The following PDE4D variants were observed in gnomAD, a reference collection of about 807,000 sequenced individuals.
PDE4D encodes the protein phosphodiesterase 4D, also known as 3',5'-cyclic-AMP phosphodiesterase 4D.
A neutral mutation model predicts 87.4 loss-of-function variants in PDE4D; 24 were observed. The observed-to-expected ratio is 0.27, with a 90% CI of 0.20 to 0.39. The LOEUF is 0.39. Ranked by LOEUF, PDE4D falls within the 10% of genes least tolerant of loss-of-function variation. PDE4D has a pLI of 1.00. For synonymous variants in PDE4D, 384 were observed against 383.2 expected (o/e 1.00, Z -0.02); for missense variants, 714 against 1,041.0 (o/e 0.69, Z 4.32).
chr5:59,679,113 T>G (rs983566889), intron 1 of PDE4D, among the ~76,000 whole-genome samples: 1 of 152,200 alleles, frequency 6.6e-6, no homozygotes, highest in Non-Finnish European at 1.5e-5. Flanking sequence ...AAAGTCAACG[T>G]TTACTTTTAA....
At chr5:60,235,937 C>T (rs1426277309) in intron 1 of PDE4D, among the ~76,000 whole-genome samples, 1 of 151,920 alleles carries the variant, frequency 6.6e-6, no homozygotes, top group Admixed American at 6.6e-5. Flanking sequence ...CATCCCCACA[C>T]AAATACAGCC....
At chr5:59,131,697 C>A (rs1776315682) in intron 5 of PDE4D, among the ~76,000 whole-genome samples, 1 of 148,630 alleles carries the variant, frequency 6.7e-6, no homozygotes, top group East Asian at 2.0e-4. Flanking sequence ...CCTTTTTGTC[C>A]TTGTTTTGCA....
intron 2 of PDE4D, among the ~76,000 whole-genome samples, chr5:60,144,269 T>A (rs1171481795): frequency 1.3e-5 from 2 of 152,230 alleles, no homozygotes; most frequent in East Asian, 1.9e-4. Flanking sequence ...AGATCTCTTC[T>A]CTTTCCTGTC....
intron 1 of PDE4D, among the ~76,000 whole-genome samples, chr5:60,374,739 A>T (rs1720668708): frequency 6.6e-6 from 1 of 152,214 alleles, no homozygotes; most frequent in Admixed American, 6.5e-5. Flanking sequence ...GGGAAAAAAG[A>T]TGATAAATTA....
At chr5:59,123,031 GT>G (rs200344327) in intron 5 of PDE4D, among the ~76,000 whole-genome samples, 115 of 142,992 alleles carry the variant, frequency 8.0e-4, no homozygotes, top group Middle Eastern at 3.6e-3. Context: ...TGTTTTTTTT[GT>G]TTTTTTTTTT....
intron 1 of PDE4D, among the ~76,000 whole-genome samples, chr5:59,707,593 G>T (rs1753621918): frequency 6.6e-6 from 1 of 152,066 alleles, no homozygotes; most frequent in Admixed American, 6.6e-5. Context: ...AGTGGTTGCT[G>T]AACCTATCAA....
chr5:59,921,679 T>C (rs1251526358), intron 3 of PDE4D, among the ~76,000 whole-genome samples: 1 of 152,202 alleles, frequency 6.6e-6, no homozygotes, highest in African/African-American at 2.4e-5. Flanking sequence ...AGAATTCTAA[T>C]TTTGCATTTT....
In PDE4D at chr5:59,496,621, T is replaced by C. The variant is rs114092242; in HGVS notation, c.456-280653A>G. On this transcript the variant is annotated intron_variant, in intron 1 of 14. Transcript: ENST00000340635. ...TCTAGCCCTCGGTTCAGTCGGCCCCTAAGGGAGGGGGATGTAGCCGGCTAA... is the reference window on the plus strand; with the variant it reads ...TCTAGCCCTCGGTTCAGTCGGCCCCCAAGGGAGGGGGATGTAGCCGGCTAA... Among the ~76,000 whole-genome samples the C allele has an allele frequency of 5.1e-3, 783 of 152,176 alleles. 10 individuals carry two copies. The highest frequency in any genetic ancestry group is 0.017 in the African/African-American group (708 of 41,528).
chr5:59,375,847 G>A (rs1463761023), intron 1 of PDE4D, among the ~76,000 whole-genome samples: 4 of 152,248 alleles, frequency 2.6e-5, no homozygotes, highest in Non-Finnish European at 5.9e-5. Context: ...CCACAATCAA[G>A]TAGGCTTCAT....
At position 60,454,915 on chromosome 5, in the gene PDE4D, G is replaced by C. The variant is rs1447219644; in HGVS notation, c.-90+33027C>G. Among the ~76,000 whole-genome samples the C allele has an allele frequency of 2.6e-5, 4 of 151,964 alleles. No homozygotes were observed. The East Asian group carries it at 5.8e-4, about 22-fold the overall frequency. ...GGAGTGTAAACAAGAGAGAAGGGGT[G>C]GGGGAAGAAAGTGAGAGAGAAAGAA... On this transcript the variant is annotated intron_variant, in intron 1 of 16. Transcript: ENST00000502484.
intron 1 of PDE4D, among the ~76,000 whole-genome samples, chr5:59,729,529 G>A (rs762839414): frequency 2.6e-5 from 4 of 151,936 alleles, no homozygotes; most frequent in Admixed American, 6.6e-5. Context: ...AGTGTAAGTC[G>A]CCACATTCCA....
At chr5:59,419,660 G>GT (rs1040665006) in intron 1 of PDE4D, among the ~76,000 whole-genome samples, 4 of 152,136 alleles carry the variant, frequency 2.6e-5, no homozygotes, top group Admixed American at 2.0e-4. Flanking sequence ...CTGTACAACA[G>GT]TTTTTTTACT....
chr5:60,431,647 C>T (rs370958528), intron 1 of PDE4D, among the ~76,000 whole-genome samples: 28 of 151,594 alleles, frequency 1.8e-4, no homozygotes, highest in Admixed American at 1.0e-3. Context: ...CAGGCAGAGA[C>T]GCTCCTCACT....
intron 3 of PDE4D, chr5:59,987,332 T>G (rs1404014745): frequency 6.6e-6 from 1 of 152,218 alleles, no homozygotes; most frequent in East Asian, 1.9e-4. Flanking sequence ...GCATTCTTCT[T>G]TAAACACATA....
At chr5:59,119,093 G>A (rs1374238844) in intron 5 of PDE4D, among the ~76,000 whole-genome samples, 1 of 152,190 alleles carries the variant, frequency 6.6e-6, no homozygotes, top group Admixed American at 6.5e-5. Flanking sequence ...AAATGAGGTT[G>A]TAATACTCCA....
chr5:60,246,158 T>C (rs1053758344), intron 1 of PDE4D, among the ~76,000 whole-genome samples: 1 of 151,880 alleles, frequency 6.6e-6, no homozygotes, highest in Non-Finnish European at 1.5e-5. Flanking sequence ...GCTATAACTT[T>C]CTAACTATAA....
intron 1 of PDE4D, among the ~76,000 whole-genome samples, chr5:59,324,368 G>T (rs1017477266): frequency 7.2e-5 from 11 of 152,100 alleles, no homozygotes; most frequent in African/African-American, 2.7e-4. Context: ...CATACTTACA[G>T]GGAGGTGGGC....
At chr5:60,457,202 A>C (rs1398297160) in intron 1 of PDE4D, among the ~76,000 whole-genome samples, 1 of 152,194 alleles carries the variant, frequency 6.6e-6, no homozygotes, top group Non-Finnish European at 1.5e-5. Flanking sequence ...GAGAGACAGA[A>C]TCTATATAAC....
At chr5:60,246,427 A>G (rs945393131) in intron 1 of PDE4D, among the ~76,000 whole-genome samples, 1 of 151,752 alleles carries the variant, frequency 6.6e-6, no homozygotes, top group African/African-American at 2.4e-5. Context: ...TGAAACATAT[A>G]TTGAATCTTA....
Sources: gnomAD v4.1 joint callset for allele counts (sites outside exome capture counted in the v4.1 genomes callset) on GRCh38, gnomAD v4.1.1 for gene constraint, MANE v1.5 for transcripts, NCBI Gene and HGNC (gene_info 2026-07-23, HGNC 2026-07-21) for gene names.